The following DPP10 variants were observed in gnomAD, a reference collection of about 807,000 sequenced individuals.
DPP10 encodes inactive dipeptidyl peptidase 10.
In DPP10, 33 loss-of-function variants were observed where a neutral mutation model predicts 120.9. That is an observed-to-expected ratio of 0.27 (90% confidence interval 0.21 to 0.37). The LOEUF is 0.37. Ranked by LOEUF, DPP10 falls within the 10% of genes least tolerant of loss-of-function variation. The probability of loss-of-function intolerance (pLI) is 1.00; values close to 1 mark genes in which losing one functional copy is unlikely to be tolerated. For synonymous variants in DPP10, 337 were observed against 326.1 expected, an observed-to-expected ratio of 1.03 and a Z score of -0.36; for missense variants, 816 against 942.8, an observed-to-expected ratio of 0.87 and a Z score of 1.76.
intron 3 of DPP10, among the ~76,000 whole-genome samples, chr2:115,411,791 G>C (rs1056930597): frequency 6.6e-6 from 1 of 152,268 alleles, no homozygotes; most frequent in African/African-American, 2.4e-5. Flanking sequence ...AGTTTCCTGC[G>C]ATTATAAAGT....
chr2:115,812,093 G>A (rs1453088868), intron 19 of DPP10, among the ~76,000 whole-genome samples: 1 of 152,102 alleles, frequency 6.6e-6, no homozygotes, highest in African/African-American at 2.4e-5. Context: ...GGTAGTATTG[G>A]CCATCATTAT....
At chr2:115,213,197 G>A (rs76106843) in intron 1 of DPP10, among the ~76,000 whole-genome samples, 2,083 of 152,190 alleles carry the variant, frequency 0.014, 49 homozygotes, top group African/African-American at 0.049. Flanking sequence ...CTTGCCCTAG[G>A]AGGATATCTT....
intron 3 of DPP10, among the ~76,000 whole-genome samples, chr2:115,408,935 G>A (rs1315459972): frequency 6.6e-6 from 1 of 151,750 alleles, no homozygotes; most frequent in Non-Finnish European, 1.5e-5. Context: ...AAAGTAATTA[G>A]AAGTAAATAA....
intron 2 of DPP10, among the ~76,000 whole-genome samples, chr2:115,309,896 C>G (rs182020200): frequency 2.0e-5 from 3 of 152,056 alleles, no homozygotes; most frequent in Non-Finnish European, 2.9e-5. Flanking sequence ...TTGCAAATTG[C>G]CCCTGCAATG....
intron 1 of DPP10, among the ~76,000 whole-genome samples, chr2:115,288,807 A>C (rs2060515153): frequency 6.6e-6 from 1 of 152,052 alleles, no homozygotes; most frequent in Admixed American, 6.6e-5. Flanking sequence ...AGTAATAAAA[A>C]CCACATATGA....
intron 3 of DPP10, among the ~76,000 whole-genome samples, chr2:115,401,790 A>G (rs2068090858): frequency 1.3e-5 from 2 of 152,110 alleles, no homozygotes; most frequent in Non-Finnish European, 2.9e-5. Flanking sequence ...ATTTTCAACC[A>G]CAAATTATGT....
intron 1 of DPP10, among the ~76,000 whole-genome samples, chr2:115,109,849 G>A (rs750271603): frequency 2.6e-5 from 4 of 152,106 alleles, no homozygotes; most frequent in South Asian, 2.1e-4. Context: ...AGAGCCCCCC[G>A]CAAGAAAGAA....
rs17044721 is a variant in DPP10, at chr2:115,573,226, G to C, written c.441+47254G>C. On this transcript the variant is annotated intron_variant, in intron 5 of 25. Coordinates refer to ENST00000410059, the MANE Select transcript of DPP10 (RefSeq NM_020868.6). Reference sequence around the variant, plus strand: ...AGAACTATAAATTCTTACTGCTGAAGTACTAGCCCTGCAGGACATACAGAC... The same window carrying C: ...AGAACTATAAATTCTTACTGCTGAACTACTAGCCCTGCAGGACATACAGAC... 9.2e-3 allele frequency among the ~76,000 whole-genome samples: 1,390 copies of C among 150,934 alleles called. 21 individuals are homozygous for C. Among genetic ancestry groups the C allele is most frequent in the African/African-American group, 0.032 (1,336 of 41,114 alleles).
chr2:114,656,540 A>C (rs1383312407), intron 1 of DPP10, among the ~76,000 whole-genome samples: 1 of 152,186 alleles, frequency 6.6e-6, no homozygotes, highest in Non-Finnish European at 1.5e-5. Context: ...AGAAAGAAAG[A>C]AATGAAGCAG....
chr2:115,704,683 A>C (rs189526979), intron 7 of DPP10, among the ~76,000 whole-genome samples: 2 of 152,136 alleles, frequency 1.3e-5, no homozygotes, highest in African/African-American at 4.8e-5. Context: ...CTTGTAAAGG[A>C]GGCCATGATA....
intron 1 of DPP10, among the ~76,000 whole-genome samples, chr2:114,734,806 A>G (rs1439973495): frequency 6.6e-6 from 1 of 152,204 alleles, no homozygotes; most frequent in Non-Finnish European, 1.5e-5. Flanking sequence ...GCATGGTTCA[A>G]GTATGAGTTT....
Position 115,767,404 on chromosome 2 carries a change from C to T in DPP10, c.1114-893C>T, listed in dbSNP as rs550323361. ...CAGCAGGAAAAACTCAATGTTTCAT[C>T]AGATAAATGTGTTTTCTTAATGTTT... On this transcript the variant is annotated intron_variant, in intron 12 of 25. Transcript: ENST00000410059. Among the ~76,000 whole-genome samples, 4 of 151,892 alleles carry T rather than the reference C, an allele frequency of 2.6e-5. No individual in the cohort carries two copies. The East Asian group carries it at 5.8e-4, about 22-fold the overall frequency.
chr2:115,279,061 C>T (rs553069339), intron 1 of DPP10, among the ~76,000 whole-genome samples: 3 of 152,136 alleles, frequency 2.0e-5, no homozygotes, highest in South Asian at 2.1e-4. Flanking sequence ...ACACCAAAAG[C>T]GCAAGCAATG....
chr2:115,080,254 G>A lies in DPP10; in HGVS notation c.61-228985G>A, dbSNP rs372072637. Among the ~76,000 whole-genome samples, 17 of 152,168 alleles carry A rather than the reference G, an allele frequency of 1.1e-4. 1 individual carries two copies. In the East Asian group the frequency reaches 1.5e-3, roughly 14 times the overall value. ...GCTGATCGTGAACTCCTGACCTTAAGTGATCAGCCCACCTTGAACTCCCAA... is the reference window on the plus strand; with the variant it reads ...GCTGATCGTGAACTCCTGACCTTAAATGATCAGCCCACCTTGAACTCCCAA... On this transcript the variant is annotated intron_variant, in intron 1 of 25. Transcript: ENST00000410059.
chr2:115,492,966 A>G (rs2076203467), intron 3 of DPP10, among the ~76,000 whole-genome samples: 1 of 152,186 alleles, frequency 6.6e-6, no homozygotes, highest in Admixed American at 6.6e-5. Context: ...TGGTGTATTT[A>G]TTAGTGGGCA....
At chr2:114,565,880 C>A (rs1176812000) in intron 1 of DPP10, among the ~76,000 whole-genome samples, 1 of 152,098 alleles carries the variant, frequency 6.6e-6, no homozygotes, top group Non-Finnish European at 1.5e-5. Context: ...AGAATAGATT[C>A]ATTCATTCAT....
chr2:114,560,123 T>C (rs1300010827), intron 1 of DPP10, among the ~76,000 whole-genome samples: 1 of 152,160 alleles, frequency 6.6e-6, no homozygotes, highest in Non-Finnish European at 1.5e-5. Flanking sequence ...AGTTTAAGAA[T>C]AACATGGAAC....
At chr2:115,399,955 C>T (rs1171945579) in intron 3 of DPP10, among the ~76,000 whole-genome samples, 1 of 152,094 alleles carries the variant, frequency 6.6e-6, no homozygotes, top group Non-Finnish European at 1.5e-5. Flanking sequence ...GCAGCTTCTG[C>T]TTCTGGGGAG....
chr2:115,723,844 T>C (rs2092705666), intron 7 of DPP10, among the ~76,000 whole-genome samples: 1 of 152,194 alleles, frequency 6.6e-6, no homozygotes, highest in African/African-American at 2.4e-5. Flanking sequence ...AAGCAAGCCA[T>C]GGTGGAATGA....
Sources: gnomAD v4.1 joint callset for allele counts (sites outside exome capture counted in the v4.1 genomes callset) on GRCh38, gnomAD v4.1.1 for gene constraint, MANE v1.5 for transcripts, NCBI Gene and HGNC (gene_info 2026-07-23, HGNC 2026-07-21) for gene names.